CSNK1G1: variants seen among roughly 807,000 people sequenced by gnomAD.
CSNK1G1 encodes the protein casein kinase I isoform gamma-1.
Under a neutral mutation model 59.6 loss-of-function variants are expected in CSNK1G1, and 22 were observed. The ratio of observed to expected loss-of-function variants is 0.37; its 90% CI spans 0.26 to 0.53. The LOEUF is 0.53. Among genes scored for constraint, CSNK1G1 ranks in the 20% least tolerant of loss-of-function variants. CSNK1G1 has a pLI of 0.89. For synonymous variants in CSNK1G1, 179 were observed against 177.1 expected (o/e 1.01, Z -0.08); for missense variants, 384 against 519.5 (o/e 0.74, Z 2.54).
At chr15:64,199,062 T>A (rs1294464300) in intron 10 of CSNK1G1, among the ~76,000 whole-genome samples, 1 of 147,216 alleles carries the variant, frequency 6.8e-6, no homozygotes, top group Non-Finnish European at 1.5e-5. Flanking sequence ...AGAAACACAG[T>A]GAAACTGTCT....
chr15:64,201,389 A>C (rs1417106853), intron 10 of CSNK1G1, among the ~76,000 whole-genome samples: 1 of 151,462 alleles, frequency 6.6e-6, no homozygotes, highest in Non-Finnish European at 1.5e-5. Context: ...CCTCACCTGC[A>C]CTAGCTATTA....
intron 9 of CSNK1G1, among the ~76,000 whole-genome samples, chr15:64,204,150 T>C (rs1409466516): frequency 1.3e-5 from 2 of 151,680 alleles, no homozygotes; most frequent in African/African-American, 4.9e-5. Context: ...AACAAACTTC[T>C]GAATCATTCA....
At position 64,171,766 on chromosome 15, in the gene CSNK1G1, C is replaced by T. The variant is rs2081668504; in HGVS notation, c.*165G>A. 3.0e-6 allele frequency: 2 copies of T among 665,022 alleles called. No individual in the cohort carries two copies. Among genetic ancestry groups the T allele is most frequent in the Admixed American group, 2.4e-5 (1 of 40,860 alleles). 41.2% of individuals were successfully genotyped at this position (665,022 alleles called of 1,614,324 possible). On this transcript the variant is annotated 3_prime_UTR_variant, in exon 12 of 12. Coordinates refer to ENST00000303052, the MANE Select transcript of CSNK1G1 (RefSeq NM_022048.5). The surrounding 1 kb of genome is among the most constrained non-coding windows in gnomAD (Gnocchi z 4.8). ...GGAGATGGCCAATGACCCACTAGGC[C>T]CTGGCTGCCCGCACTGGCCCCTTCT...
intron 10 of CSNK1G1, among the ~76,000 whole-genome samples, chr15:64,191,889 G>A (rs1227405981): frequency 6.6e-6 from 1 of 152,172 alleles, no homozygotes; most frequent in Non-Finnish European, 1.5e-5. Context: ...AAATTCTAGG[G>A]CTACTGTTTT....
intron 2 of CSNK1G1, among the ~76,000 whole-genome samples, chr15:64,262,080 T>C (rs1237109962): frequency 6.6e-6 from 1 of 152,164 alleles, no homozygotes; most frequent in Non-Finnish European, 1.5e-5. Flanking sequence ...TGCATGAGCA[T>C]TGTGAGGTAG....
At chr15:64,350,271 A>T (rs929138541) in intron 1 of CSNK1G1, among the ~76,000 whole-genome samples, 1 of 152,134 alleles carries the variant, frequency 6.6e-6, no homozygotes, top group Non-Finnish European at 1.5e-5. Context: ...AGGCGGGCGG[A>T]TCACAAGGTC....
At chr15:64,232,451 G>A (rs2082562079) in intron 4 of CSNK1G1, among the ~76,000 whole-genome samples, 1 of 152,154 alleles carries the variant, frequency 6.6e-6, no homozygotes, top group Non-Finnish European at 1.5e-5. Flanking sequence ...GACAGATACT[G>A]GAAAGGAACT....
chr15:64,290,530 G>A (rs1319591500), intron 2 of CSNK1G1, among the ~76,000 whole-genome samples: 1 of 147,262 alleles, frequency 6.8e-6, no homozygotes, highest in African/African-American at 2.4e-5. Context: ...GCTAAATAAT[G>A]TGTACACATG....
At chr15:64,289,534 A>G (rs1480035805) in intron 2 of CSNK1G1, among the ~76,000 whole-genome samples, 2 of 148,488 alleles carry the variant, frequency 1.3e-5, no homozygotes, top group Non-Finnish European at 2.9e-5. Flanking sequence ...TACATTTGAT[A>G]TTCTTCCAAG....
At chr15:64,182,992 T>C (rs1249991426) in intron 10 of CSNK1G1, among the ~76,000 whole-genome samples, 1 of 152,204 alleles carries the variant, frequency 6.6e-6, no homozygotes, top group African/African-American at 2.4e-5. Context: ...TGCATACCAG[T>C]GATAATACTG....
chr15:64,265,568 C>T (rs1892929352), intron 2 of CSNK1G1, among the ~76,000 whole-genome samples: 1 of 151,922 alleles, frequency 6.6e-6, no homozygotes, highest in South Asian at 2.1e-4. Context: ...TCAATTAAAC[C>T]TCTTTCCTTT....
intron 4 of CSNK1G1, among the ~76,000 whole-genome samples, chr15:64,240,744 G>C (rs1277878912): frequency 6.6e-6 from 1 of 152,044 alleles, no homozygotes; most frequent in African/African-American, 2.4e-5. Flanking sequence ...AAAACTGAAG[G>C]AATCTGTCAC....
rs1232991295 is a variant in CSNK1G1, at chr15:64,169,431, CCA to C, written c.*2498_*2499del. 1 of 152,266 alleles carries C rather than the reference CCA, an allele frequency of 6.6e-6. No homozygotes were observed. Among genetic ancestry groups the C allele is most frequent in the Non-Finnish European group, 1.5e-5 (1 of 68,124 alleles). 9.4% of individuals were successfully genotyped at this position (152,266 alleles called of 1,614,324 possible). A position where few individuals can be genotyped will look rare whatever the true frequency, so the allele number is the denominator to read the frequency against. On this transcript the variant is annotated 3_prime_UTR_variant, in exon 12 of 12. Transcript: ENST00000303052. Reference sequence around the variant, plus strand: ...TATTTTTTGTAGAGACGGGGTTTCACCATGTTGGCCAGGCTGGTCTCGAACTC... The same window carrying C: ...TATTTTTTGTAGAGACGGGGTTTCACTGTTGGCCAGGCTGGTCTCGAACTC...
intron 2 of CSNK1G1, among the ~76,000 whole-genome samples, chr15:64,267,004 C>T (rs1566926166): frequency 6.6e-6 from 1 of 152,060 alleles, no homozygotes; most frequent in Non-Finnish European, 1.5e-5. Flanking sequence ...TGCCTCTCAT[C>T]CTAGCATTTG....
intron 10 of CSNK1G1, among the ~76,000 whole-genome samples, chr15:64,180,751 G>C (rs1300531427): frequency 6.6e-6 from 1 of 152,198 alleles, no homozygotes; most frequent in Non-Finnish European, 1.5e-5. Context: ...TTTTTTTACA[G>C]ATGGAAACAC....
chr15:64,279,926 C>T lies in CSNK1G1; in HGVS notation c.181+20393G>A, dbSNP rs1037338733. Among the ~76,000 whole-genome samples, 9 of 150,464 alleles carry T rather than the reference C, an allele frequency of 6.0e-5. No individual in the cohort carries two copies. In the East Asian group the frequency reaches 1.8e-3, roughly 29 times the overall value. On this transcript the variant is annotated intron_variant, in intron 2 of 11. Coordinates refer to ENST00000303052, the MANE Select transcript of CSNK1G1 (RefSeq NM_022048.5). ...GGCGGAGGTTGTGGTATGCCGAGAT[C>T]GCACCACTGCACTCAAGCCTGGGCA... is the stretch of plus-strand genomic sequence containing the variant.
intron 1 of CSNK1G1, among the ~76,000 whole-genome samples, chr15:64,340,786 T>A (rs1256804994): frequency 6.6e-6 from 1 of 152,168 alleles, no homozygotes; most frequent in Admixed American, 6.5e-5. Flanking sequence ...AAATCCTGTC[T>A]CTACAGATAG....
intron 1 of CSNK1G1, among the ~76,000 whole-genome samples, chr15:64,338,700 C>CAAAAAA (rs34206192): frequency 1.3e-4 from 4 of 31,532 alleles, no homozygotes; most frequent in East Asian, 1.4e-3. Flanking sequence ...AACTCGGTCT[C>CAAAAAA]AAAAAAAAAA....
intron 1 of CSNK1G1, among the ~76,000 whole-genome samples, chr15:64,331,208 C>T (rs1474213822): frequency 8.9e-5 from 12 of 135,078 alleles, no homozygotes; most frequent in East Asian, 2.3e-4. Flanking sequence ...AAAAAGAGCC[C>T]GCATTGCCAA....
Sources: allele counts gnomAD v4.1 joint callset (sites outside exome capture counted in the v4.1 genomes callset), GRCh38; gene constraint gnomAD v4.1.1; non-coding constraint Gnocchi (gnomAD v3.1); transcripts MANE v1.5; gene names NCBI Gene and HGNC (gene_info 2026-07-23, HGNC 2026-07-21).